The following MYOM1 variants were observed in gnomAD, a reference collection of about 807,000 sequenced individuals.
MYOM1 encodes myomesin-1.
MYOM1 carries 164 observed loss-of-function variants against 205.3 expected under a neutral mutation model. The ratio of observed to expected loss-of-function variants is 0.80; its 90% CI spans 0.70 to 0.91. The LOEUF (loss-of-function observed/expected upper bound fraction) is 0.91. MYOM1 is among the 40% of genes least tolerant of loss of function. MYOM1 has a pLI of 0.00. For missense variants in MYOM1, 2,011 were observed against 2,127.3 expected (o/e 0.95, Z 1.08); for synonymous variants, 772 against 789.4 (o/e 0.98, Z 0.37).
intron 22 of MYOM1, among the ~76,000 whole-genome samples, chr18:3,109,235 G>T (rs2079492854): frequency 6.6e-6 from 1 of 152,062 alleles, no homozygotes; most frequent in Non-Finnish European, 1.5e-5. Context: ...CGCCCGCCTT[G>T]GCCTCCCAAA....
chr18:3,212,475 T>C, intron 2 of MYOM1, among the ~76,000 whole-genome samples: 1 of 152,312 alleles, frequency 6.6e-6, no homozygotes, highest in Admixed American at 6.5e-5. Context: ...AAAGATTGCA[T>C]ATGTGGCTAA....
chr18:3,141,889 A>T, intron 14 of MYOM1, 50 bp downstream of exon 14: 4 of 1,608,440 alleles, frequency 2.5e-6, no homozygotes, highest in Non-Finnish European at 3.4e-6. Context: ...CACTTTTCTA[A>T]AGAAATCCTT....
At chr18:3,208,359 C>T (rs968874591) in intron 2 of MYOM1, among the ~76,000 whole-genome samples, 2 of 152,138 alleles carry the variant, frequency 1.3e-5, no homozygotes, top group Non-Finnish European at 2.9e-5. Flanking sequence ...ACAAAAAACA[C>T]AAAAATTAAC....
At position 3,126,736 on chromosome 18, in the gene MYOM1, C is replaced by T; in HGVS notation, c.2956G>A (p.Ala986Thr). 3 of 1,613,688 alleles carry T rather than the reference C, an allele frequency of 1.9e-6. No homozygotes were observed. The highest frequency in any genetic ancestry group is 2.5e-6 in the Non-Finnish European group (3 of 1,179,736). ...TCCTCACTGACAGCCTTGACATTGG[C>T]TTCTCTCCATTTTCCTGGTACCCCA... ...IDGVPGKWRE[A>T]NVKAVSEEAY... is the part of the protein sequence containing the mutation. The change falls in exon 19 of 38, where the codon GCC becomes ACC. Residue 986 changes from alanine (A) to threonine (T), a missense_variant. Coordinates refer to ENST00000356443, the MANE Select transcript of MYOM1 (RefSeq NM_003803.4).
chr18:3,153,381 C>T (rs1286533462), intron 11 of MYOM1, among the ~76,000 whole-genome samples: 2 of 152,088 alleles, frequency 1.3e-5, no homozygotes, highest in Admixed American at 6.5e-5. Context: ...CCTTAAAGGG[C>T]GGTTATGGGT....
At chr18:3,144,620 C>A (rs2080098953) in intron 13 of MYOM1, among the ~76,000 whole-genome samples, 2 of 151,968 alleles carry the variant, frequency 1.3e-5, no homozygotes, top group African/African-American at 4.8e-5. Flanking sequence ...CACACATAGG[C>A]TAAGTGTAAA....
chr18:3,164,028 A>AAT (rs1555625523), intron 10 of MYOM1, among the ~76,000 whole-genome samples: 122 of 150,240 alleles, frequency 8.1e-4, no homozygotes, highest in African/African-American at 2.5e-3. Flanking sequence ...AATCAAAAAA[A>AAT]TTTTTTTTTG....
At position 3,086,116 on chromosome 18, in the gene MYOM1, C is replaced by T. The variant is rs939880385; in HGVS notation, c.4173G>A (p.Trp1391Ter). Residue 1391 changes from tryptophan to a stop codon, truncating the protein, a stop_gained, in exon 30 of 38, where the codon TGG becomes TGA. Coordinates refer to ENST00000356443, the MANE Select transcript of MYOM1 (RefSeq NM_003803.4). LOFTEE classifies it high-confidence loss of function. ...ANIKKETHIV[W>*]YKDEREISVD... ...CTGATATCTCCCTCTCATCTTTGTA[C>T]CACACAATATGAGTCTCCTTCTTAA... 1.2e-6 allele frequency: 2 copies of T among 1,610,830 alleles called. No individual in the cohort carries two copies. The highest frequency in any genetic ancestry group is 1.7e-6 in the Non-Finnish European group (2 of 1,178,562).
chr18:3,126,665 T>C, intron 19 of MYOM1, 36 bp downstream of exon 19: 5 of 1,580,706 alleles, frequency 3.2e-6, no homozygotes, highest in Non-Finnish European at 4.3e-6. Flanking sequence ...GCGTCATACA[T>C]AGGACACGCC....
At chr18:3,237,014 G>T in the MYOM1 span, among the ~76,000 whole-genome samples, 1 of 152,176 alleles carries the variant, frequency 6.6e-6, no homozygotes, top group Non-Finnish European at 1.5e-5. Context: ...ACTGTGAATT[G>T]GCTATGAGGA....
At chr18:3,107,311 G>T (rs143250614) in intron 22 of MYOM1, among the ~76,000 whole-genome samples, 1,849 of 152,192 alleles carry the variant, frequency 0.012, 35 homozygotes, top group African/African-American at 0.042. Flanking sequence ...TAGAGAGGGG[G>T]TTTCACCATG....
At chr18:3,174,682 G>C (rs2080610753) in intron 6 of MYOM1, among the ~76,000 whole-genome samples, 1 of 152,174 alleles carries the variant, frequency 6.6e-6, no homozygotes, top group African/African-American at 2.4e-5. Flanking sequence ...TCAGTCTGGG[G>C]GCAACCAGGA....
the MYOM1 span, among the ~76,000 whole-genome samples, chr18:3,233,468 T>C: frequency 5.3e-5 from 8 of 152,174 alleles, no homozygotes; most frequent in African/African-American, 1.7e-4. Context: ...GGGCTTGCTC[T>C]TTTTCCTCAA....
chr18:3,073,028 G>C (rs1462543372), intron 36 of MYOM1, among the ~76,000 whole-genome samples: 2 of 142,174 alleles, frequency 1.4e-5, no homozygotes, highest in Non-Finnish European at 3.0e-5. Flanking sequence ...ACCCAGGCTG[G>C]TCTTGAACTC....
intron 18 of MYOM1, 128 bp from the exon 19 acceptor site, chr18:3,127,025 G>T: frequency 2.6e-6 from 2 of 770,850 alleles, no homozygotes; most frequent in Non-Finnish European, 4.1e-6. Context: ...CGAGGCTGAT[G>T]AACTTGGCAT....
chr18:3,098,439 A>G (rs2079334616), intron 25 of MYOM1, among the ~76,000 whole-genome samples: 1 of 151,472 alleles, frequency 6.6e-6, no homozygotes. Flanking sequence ...CACCACACCC[A>G]GCTAATTTTT....
Position 3,121,936 on chromosome 18 carries a change from T to C in MYOM1, c.2992-1941A>G, listed in dbSNP as rs192917612. Among the ~76,000 whole-genome samples, 892 of 152,224 alleles carry C rather than the reference T, an allele frequency of 5.9e-3. 5 individuals are homozygous for C. Among genetic ancestry groups the C allele is most frequent in the African/African-American group, 0.017 (715 of 41,532 alleles). ...GAGTTTGAGACCAGCCTGGCCAACA[T>C]GGTGAAACCCTGTTTCTTCTAAAAA... On this transcript the variant is annotated intron_variant, in intron 19 of 37. Transcript: ENST00000356443.
At chr18:3,236,227 G>A in the MYOM1 span, among the ~76,000 whole-genome samples, 1 of 152,166 alleles carries the variant, frequency 6.6e-6, no homozygotes, top group Non-Finnish European at 1.5e-5. Flanking sequence ...ATAGTTAAAG[G>A]ATTACTCTAT....
chr18:3,085,725 A>G (rs1052852222), intron 30 of MYOM1, among the ~76,000 whole-genome samples: 1 of 152,182 alleles, frequency 6.6e-6, no homozygotes, highest in African/African-American at 2.4e-5. Flanking sequence ...AATGAATACC[A>G]TGTCTGATGT....
Sources: gnomAD v4.1 joint callset for allele counts (sites outside exome capture counted in the v4.1 genomes callset) on GRCh38, gnomAD v4.1.1 for gene constraint, MANE v1.5 for transcripts, NCBI Gene and HGNC (gene_info 2026-07-23, HGNC 2026-07-21) for gene names.